Variants in AMPH observed in about 807,000 individuals in gnomAD.
The protein encoded by AMPH is amphiphysin (Stiff-Mann syndrome with breast cancer 128kD autoantigen).
In AMPH, 49 loss-of-function variants were observed where a neutral mutation model predicts 99.1. The observed-to-expected ratio is 0.49, with a 90% CI of 0.39 to 0.63. AMPH has a LOEUF of 0.63. AMPH is among the 20% of genes least tolerant of loss of function. The probability of loss-of-function intolerance (pLI) is 0.00; values close to 1 mark genes in which losing one functional copy is unlikely to be tolerated. For missense variants in AMPH, 759 were observed against 863.4 expected, an observed-to-expected ratio of 0.88 and a Z score of 1.52; for synonymous variants, 314 against 317.3, an observed-to-expected ratio of 0.99 and a Z score of 0.11.
chr7:38,490,288 T>C (rs1788671796), intron 5 of AMPH, among the ~76,000 whole-genome samples: 1 of 152,144 alleles, frequency 6.6e-6, no homozygotes, highest in African/African-American at 2.4e-5. Flanking sequence ...TCATCGAAAA[T>C]CTACTGTTTG....
At chr7:38,409,436 C>T (rs562720341) in intron 17 of AMPH, among the ~76,000 whole-genome samples, 20 of 152,240 alleles carry the variant, frequency 1.3e-4, no homozygotes, top group South Asian at 6.2e-4. Flanking sequence ...AATCTCTTCA[C>T]GTGAACTATA....
Position 38,417,884 on chromosome 7 carries a change from C to A in AMPH, c.1339G>T (p.Ala447Ser). Reference protein sequence around the residue: ...AEEPLAAVTPAVGLDLGMDTR... With the variant: ...AEEPLAAVTPSVGLDLGMDTR... ...TCCATTCCAAGGTCCAGACCAACGG[C>A]AGGTGTGACAGCAGCCAGAGGCTCC... The change falls in exon 17 of 21, where the codon GCC becomes TCC. Residue 447 changes from alanine (A) to serine (S), a missense_variant. Transcript: ENST00000356264. 6.2e-7 allele frequency: 1 copy of A among 1,614,148 alleles called. No individual in the cohort carries two copies. Among genetic ancestry groups the A allele is most frequent in the African/African-American group, 1.3e-5 (1 of 75,048 alleles).
At chr7:38,390,488 C>T (rs1011141448) in intron 19 of AMPH, among the ~76,000 whole-genome samples, 3 of 152,080 alleles carry the variant, frequency 2.0e-5, no homozygotes, top group Admixed American at 2.0e-4. Flanking sequence ...AACCCCTATG[C>T]GTCTGTCACC....
At chr7:38,615,345 T>G (rs1793838244) in intron 1 of AMPH, among the ~76,000 whole-genome samples, 1 of 152,100 alleles carries the variant, frequency 6.6e-6, no homozygotes, top group South Asian at 2.1e-4. Flanking sequence ...CTAACTGGAC[T>G]TGGCACAAGA....
intron 2 of AMPH, among the ~76,000 whole-genome samples, chr7:38,507,066 G>A (rs1299746288): frequency 6.6e-6 from 1 of 152,192 alleles, no homozygotes; most frequent in Non-Finnish European, 1.5e-5. Flanking sequence ...TTTCTCAAAT[G>A]TTCAAGGAAC....
At chr7:38,539,315 A>T (rs1790725163) in intron 1 of AMPH, among the ~76,000 whole-genome samples, 1 of 152,200 alleles carries the variant, frequency 6.6e-6, no homozygotes, top group Non-Finnish European at 1.5e-5. Flanking sequence ...AGATTGAGCA[A>T]ATAGGAGGAG....
At chr7:38,624,772 T>C (rs115836924) in intron 1 of AMPH, among the ~76,000 whole-genome samples, 2,337 of 152,162 alleles carry the variant, frequency 0.015, 54 homozygotes, top group African/African-American at 0.053. Context: ...CATGTGCTTA[T>C]TTCCATCTCA....
chr7:38,590,548 G>A (rs11762785), intron 1 of AMPH, among the ~76,000 whole-genome samples: 11,820 of 152,166 alleles, frequency 0.078, 593 homozygotes, highest in East Asian at 0.25. Context: ...CGAATGCCTG[G>A]GGTTTATATC....
chr7:38,566,855 G>A (rs1328136788), intron 1 of AMPH, among the ~76,000 whole-genome samples: 1 of 152,174 alleles, frequency 6.6e-6, no homozygotes, highest in Admixed American at 6.5e-5. Context: ...TCTCATGCCA[G>A]TTAGAATGGT....
At chr7:38,481,941 A>T (rs1196627315) in intron 5 of AMPH, among the ~76,000 whole-genome samples, 2 of 152,126 alleles carry the variant, frequency 1.3e-5, no homozygotes, top group African/African-American at 4.8e-5. Context: ...CACTATTTTT[A>T]TAAAGTGATG....
At chr7:38,624,639 G>A (rs1794183319) in intron 1 of AMPH, among the ~76,000 whole-genome samples, 1 of 149,128 alleles carries the variant, frequency 6.7e-6, no homozygotes, top group African/African-American at 2.5e-5. Context: ...AAATGCCACT[G>A]GATTTCACAA....
At chr7:38,537,966 C>T (rs1790676761) in intron 1 of AMPH, among the ~76,000 whole-genome samples, 1 of 152,208 alleles carries the variant, frequency 6.6e-6, no homozygotes, top group South Asian at 2.1e-4. Context: ...TCCTCAAACA[C>T]TGGAAGGACC....
intron 2 of AMPH, among the ~76,000 whole-genome samples, chr7:38,510,654 T>C (rs956380855): frequency 6.6e-5 from 10 of 152,256 alleles, no homozygotes; most frequent in Admixed American, 3.3e-4. Flanking sequence ...TAAGCCAGAA[T>C]TGGAATTCAG....
Position 38,439,794 on chromosome 7 carries a change from G to A in AMPH, c.1018-3406C>T, listed in dbSNP as rs868354780. Among the ~76,000 whole-genome samples, 84 of 152,216 alleles carry A rather than the reference G, an allele frequency of 5.5e-4. 1 individual carries two copies. The highest frequency in any genetic ancestry group is 1.9e-3 in the African/African-American group (80 of 41,542). ...TGCCAATTATAATCATCTGTACTAT[G>A]TTTCATGAGGTGTCTTCTACTTGGG... On this transcript the variant is annotated intron_variant, in intron 11 of 20. Coordinates refer to ENST00000356264, the MANE Select transcript of AMPH (RefSeq NM_001635.4).
rs1329775607 is a variant in AMPH, at chr7:38,476,940, T to C, written c.426A>G (p.Leu142=). The part of the protein sequence containing the change: ...KNRIAKRSRK[L]VDYDSARHHL... ...GGTGGCGGGCACTGTCATAGTCCAC[T>C]AGCTTCCTGCTGCGCTTGGCGATGC... Residue 142 remains leucine, a synonymous_variant, in exon 6 of 21, where the codon CTA becomes CTG. Transcript: ENST00000356264. 1.2e-6 allele frequency: 2 copies of C among 1,613,824 alleles called. No individual in the cohort carries two copies. Among genetic ancestry groups the C allele is most frequent in the South Asian group, 1.1e-5 (1 of 91,058 alleles).
intron 19 of AMPH, among the ~76,000 whole-genome samples, chr7:38,390,770 A>G (rs66480552): frequency 0.084 from 12,785 of 152,270 alleles, 696 homozygotes; most frequent in Middle Eastern, 0.14. Context: ...AGCAAGCTCC[A>G]GCCGTGCTTG....
At chr7:38,520,731 T>A (rs1455184780) in intron 2 of AMPH, among the ~76,000 whole-genome samples, 2 of 152,148 alleles carry the variant, frequency 1.3e-5, no homozygotes, top group Non-Finnish European at 2.9e-5. Flanking sequence ...AAGATGGGAC[T>A]TGAACATAAG....
intron 15 of AMPH, 27 bp from the exon 16 acceptor site, chr7:38,422,504 A>G: frequency 1.3e-6 from 2 of 1,583,094 alleles, no homozygotes; most frequent in South Asian, 1.1e-5. Context: ...AAAATAGAAG[A>G]TGTTTTTTAA....
rs553418661 is a variant in AMPH, at chr7:38,629,502, T to A, written c.69+1781A>T. Among the ~76,000 whole-genome samples, 182 of 151,012 alleles carry A rather than the reference T, an allele frequency of 1.2e-3. 2 individuals are homozygous for A. The highest frequency in any genetic ancestry group is 4.1e-3 in the African/African-American group (170 of 41,486). ...TTGACCTTGATCGTGAAAAAGTGAG[T>A]TTTGACAATTCACAGGACTTGAATG... On this transcript the variant is annotated intron_variant, in intron 1 of 20. Transcript: ENST00000356264.
Sources: allele counts gnomAD v4.1 joint callset (sites outside exome capture counted in the v4.1 genomes callset), GRCh38; gene constraint gnomAD v4.1.1; transcripts MANE v1.5; gene names NCBI Gene and HGNC (gene_info 2026-07-23, HGNC 2026-07-21).